Variants in SEMA3C observed in about 807,000 individuals in gnomAD.
The protein encoded by SEMA3C is semaphorin-3C.
Under a neutral mutation model 89.4 loss-of-function variants are expected in SEMA3C, and 47 were observed. The observed-to-expected ratio is 0.53, with a 90% CI of 0.42 to 0.67. SEMA3C has a LOEUF of 0.67. SEMA3C is among the 30% of genes least tolerant of loss of function. The pLI is 0.00. For synonymous variants in SEMA3C, 310 were observed against 320.2 expected, an observed-to-expected ratio of 0.97 and a Z score of 0.34; for missense variants, 839 against 929.1, an observed-to-expected ratio of 0.90 and a Z score of 1.26.
At chr7:80,813,812 C>T (rs1789531052) in intron 5 of SEMA3C, among the ~76,000 whole-genome samples, 1 of 152,206 alleles carries the variant, frequency 6.6e-6, no homozygotes, top group Non-Finnish European at 1.5e-5. Flanking sequence ...TACATCCTCA[C>T]CACCATTTTC....
At chr7:80,799,572 G>A (rs555288502) in intron 10 of SEMA3C, among the ~76,000 whole-genome samples, 6 of 152,096 alleles carry the variant, frequency 3.9e-5, no homozygotes, top group Non-Finnish European at 8.8e-5. Context: ...GCCAGGCACG[G>A]TGGCTCATGC....
intron 4 of SEMA3C, among the ~76,000 whole-genome samples, chr7:80,821,082 T>C (rs1326526798): frequency 5.3e-5 from 8 of 152,224 alleles, no homozygotes; most frequent in Non-Finnish European, 1.5e-5. Flanking sequence ...ATGACTAATA[T>C]TTATTTAGAG....
intron 11 of SEMA3C, 40 bp from the exon 12 acceptor site, chr7:80,789,568 T>C (rs1408202103): frequency 1.4e-6 from 2 of 1,408,068 alleles, no homozygotes; most frequent in Non-Finnish European, 1.9e-6. Context: ...AATAAAATAG[T>C]TGTCTTGTTC....
chr7:80,749,113 A>G (rs1787867365), intron 16 of SEMA3C, 85 bp from the exon 17 acceptor site: 1 of 1,326,622 alleles, frequency 7.5e-7, no homozygotes, highest in Non-Finnish European at 1.0e-6. Context: ...TGCTATATAC[A>G]TGTTTATTTT....
At chr7:80,788,141 G>A (rs769802934) in intron 12 of SEMA3C, among the ~76,000 whole-genome samples, 10 of 152,234 alleles carry the variant, frequency 6.6e-5, no homozygotes, top group Middle Eastern at 3.4e-3. Context: ...ATTGAAGTAC[G>A]AGTGCAATTT....
chr7:80,874,447 G>GTTAGTTAGTTAT, intron 2 of SEMA3C, among the ~76,000 whole-genome samples: 1 of 146,616 alleles, frequency 6.8e-6, no homozygotes, highest in East Asian at 2.1e-4. Flanking sequence ...ACCATAGCAA[G>GTTAGTTAGTTAT]TTATTTATTT....
At chr7:80,791,522 A>G (rs1788940383) in intron 11 of SEMA3C, among the ~76,000 whole-genome samples, 1 of 152,170 alleles carries the variant, frequency 6.6e-6, no homozygotes, top group Admixed American at 6.5e-5. Context: ...TGCCTGTTTG[A>G]TAGCAATAGG....
chr7:80,809,907 T>G (rs1048202912), intron 6 of SEMA3C, among the ~76,000 whole-genome samples: 1 of 151,898 alleles, frequency 6.6e-6, no homozygotes, highest in African/African-American at 2.4e-5. Context: ...CTAAAAAAGT[T>G]GATCTCATAG....
intron 2 of SEMA3C, among the ~76,000 whole-genome samples, chr7:80,894,489 A>AT (rs1048238473): frequency 6.6e-6 from 1 of 152,112 alleles, no homozygotes; most frequent in African/African-American, 2.4e-5. Flanking sequence ...CTACAAAAAA[A>AT]TTTTTTTAAT....
chr7:80,821,901 A>T, intron 4 of SEMA3C, among the ~76,000 whole-genome samples: 1 of 152,258 alleles, frequency 6.6e-6, no homozygotes, highest in African/African-American at 2.4e-5. Context: ...TCTGATTAGC[A>T]ATGAGCAGAT....
chr7:80,856,746 C>T (rs1296773447), intron 2 of SEMA3C, among the ~76,000 whole-genome samples: 1 of 152,054 alleles, frequency 6.6e-6, no homozygotes, highest in East Asian at 1.9e-4. Context: ...CCACTACAAA[C>T]ATCTCTGCTG....
intron 4 of SEMA3C, among the ~76,000 whole-genome samples, chr7:80,824,318 A>G (rs531765573): frequency 6.6e-6 from 1 of 152,280 alleles, no homozygotes; most frequent in East Asian, 1.9e-4. Flanking sequence ...TAATTAATCT[A>G]AAAGCATTAA....
intron 2 of SEMA3C, among the ~76,000 whole-genome samples, chr7:80,837,449 G>A (rs1481329604): frequency 1.3e-5 from 2 of 152,172 alleles, no homozygotes; most frequent in East Asian, 1.9e-4. Flanking sequence ...TGGGGTAAAT[G>A]CTGCAGCTGC....
At position 80,750,473 on chromosome 7, in the gene SEMA3C, T is replaced by TATATATATACAC. The variant is rs869227686; in HGVS notation, c.1711+795_1711+796insGTGTATATATAT. 1.8e-4 allele frequency among the ~76,000 whole-genome samples: 10 copies of TATATATATACAC among 55,450 alleles called. No homozygotes were observed. The East Asian group carries it at 1.9e-3, about 10-fold the overall frequency. 36.4% of individuals were successfully genotyped at this position (55,450 alleles called of 152,430 possible). ...ATATATATATATATATATATATATA[T>TATATATATACAC]ACACACACACACACACACACACACA... On this transcript the variant is annotated intron_variant, in intron 16 of 17. Coordinates refer to ENST00000265361, the MANE Select transcript of SEMA3C (RefSeq NM_006379.5).
intron 9 of SEMA3C, among the ~76,000 whole-genome samples, chr7:80,802,227 A>G (rs1207134930): frequency 6.6e-6 from 1 of 152,148 alleles, no homozygotes; most frequent in Non-Finnish European, 1.5e-5. Flanking sequence ...CAAGTCTCCA[A>G]ATTTCTACTC....
chr7:80,918,381 G>A (rs1792328242), intron 1 of SEMA3C: 1 of 152,156 alleles, frequency 6.6e-6, no homozygotes, highest in South Asian at 2.1e-4. Context: ...AACGAAGATA[G>A]TCTACAGGGC....
At position 80,742,836 on chromosome 7, in the gene SEMA3C, T is replaced by A. The variant is rs1054138321; in HGVS notation, c.*2058A>T. ...CATTAACAGCATTTTTGAAAAAAAATTTTCTTTTACATTCAGCAGAGTTAT... is the reference window on the plus strand; with the variant it reads ...CATTAACAGCATTTTTGAAAAAAAAATTTCTTTTACATTCAGCAGAGTTAT... On this transcript the variant is annotated 3_prime_UTR_variant, in exon 18 of 18. Coordinates refer to ENST00000265361, the MANE Select transcript of SEMA3C (RefSeq NM_006379.5). 1.3e-5 allele frequency: 2 copies of A among 151,874 alleles called. No individual in the cohort carries two copies. Among genetic ancestry groups the A allele is most frequent in the South Asian group, 2.1e-4 (1 of 4,826 alleles). The allele number at this position is 151,874 out of a possible 1,614,324, so 9.4% of individuals were successfully genotyped here.
chr7:80,886,325 C>T (rs1791476408), intron 2 of SEMA3C, among the ~76,000 whole-genome samples: 1 of 151,302 alleles, frequency 6.6e-6, no homozygotes, highest in Non-Finnish European at 1.5e-5. Context: ...GAAACAGGCT[C>T]AGCTGGATGT....
intron 10 of SEMA3C, among the ~76,000 whole-genome samples, chr7:80,799,476 A>C (rs1789146449): frequency 6.6e-6 from 1 of 152,166 alleles, no homozygotes; most frequent in Non-Finnish European, 1.5e-5. Flanking sequence ...ACGTACTTTA[A>C]TTAGCTTGGG....
Sources: allele counts gnomAD v4.1 joint callset (sites outside exome capture counted in the v4.1 genomes callset), GRCh38; gene constraint gnomAD v4.1.1; transcripts MANE v1.5; gene names NCBI Gene and HGNC (gene_info 2026-07-23, HGNC 2026-07-21).